The following CABCOCO1 variants were observed in gnomAD, a reference collection of about 807,000 sequenced individuals.
CABCOCO1 encodes the protein ciliary-associated calcium-binding coiled-coil protein 1.
A neutral mutation model predicts 35.7 loss-of-function variants in CABCOCO1; 28 were observed. The observed-to-expected ratio is 0.78, with a 90% CI of 0.58 to 1.07. The LOEUF is 1.07. Ranked by LOEUF, CABCOCO1 falls within the 50% of genes least tolerant of loss-of-function variation. CABCOCO1 has a pLI of 0.00. For missense variants in CABCOCO1, 326 were observed against 309.2 expected (o/e 1.05, Z -0.41); for synonymous variants, 95 against 100.1 (o/e 0.95, Z 0.30).
chr10:61,716,420 C>A (rs1238408433), intron 5 of CABCOCO1, among the ~76,000 whole-genome samples: 1 of 152,100 alleles, frequency 6.6e-6, no homozygotes. Context: ...CAGAAATAAA[C>A]CCCACCTTTC....
intron 2 of CABCOCO1, among the ~76,000 whole-genome samples, chr10:61,674,926 A>G (rs941180006): frequency 1.3e-5 from 2 of 152,158 alleles, no homozygotes; most frequent in Admixed American, 1.3e-4. Flanking sequence ...GTAACTATAT[A>G]AACACAAAAA....
At chr10:61,756,544 A>G (rs1038114334) in intron 5 of CABCOCO1, among the ~76,000 whole-genome samples, 1 of 152,068 alleles carries the variant, frequency 6.6e-6, no homozygotes, top group Non-Finnish European at 1.5e-5. Flanking sequence ...TATTATATCC[A>G]TTTGTGTTCA....
intron 5 of CABCOCO1, among the ~76,000 whole-genome samples, chr10:61,737,484 A>G (rs1841445421): frequency 1.3e-5 from 2 of 152,224 alleles, no homozygotes; most frequent in African/African-American, 4.8e-5. Context: ...AAAGCATTCT[A>G]CCATAAAGAC....
chr10:61,732,602 T>C (rs989281355), intron 5 of CABCOCO1, among the ~76,000 whole-genome samples: 2 of 152,088 alleles, frequency 1.3e-5, no homozygotes, highest in Non-Finnish European at 2.9e-5. Context: ...TTACTGGAAA[T>C]AGATTTGCTA....
intron 5 of CABCOCO1, among the ~76,000 whole-genome samples, chr10:61,719,591 A>G (rs1207405010): frequency 6.6e-6 from 1 of 152,194 alleles, no homozygotes; most frequent in African/African-American, 2.4e-5. Flanking sequence ...TTTTCAAAAC[A>G]GCATCTTGTT....
chr10:61,765,530 G>C (rs117670064), intron 7 of CABCOCO1, among the ~76,000 whole-genome samples: 3,425 of 152,278 alleles, frequency 0.022, 58 homozygotes, highest in Middle Eastern at 0.048. Context: ...ATCTCATTTA[G>C]AATGTATTAC....
At chr10:61,713,860 C>T (rs1354644521) in intron 5 of CABCOCO1, among the ~76,000 whole-genome samples, 2 of 149,992 alleles carry the variant, frequency 1.3e-5, no homozygotes, top group South Asian at 2.1e-4. Context: ...GGGATGAAGC[C>T]AACCTGATCG....
intron 4 of CABCOCO1, among the ~76,000 whole-genome samples, chr10:61,690,063 T>C (rs1230316667): frequency 6.6e-6 from 1 of 152,126 alleles, no homozygotes; most frequent in Non-Finnish European, 1.5e-5. Context: ...ATTTTTCAGG[T>C]ATTATTATAG....
At chr10:61,749,753 A>T (rs1005911015) in intron 5 of CABCOCO1, among the ~76,000 whole-genome samples, 18 of 152,184 alleles carry the variant, frequency 1.2e-4, no homozygotes, top group South Asian at 2.1e-4. Flanking sequence ...AGTCAGATAG[A>T]TCCGGGTTCT....
chr10:61,678,341 G>A (rs1332831357), intron 2 of CABCOCO1, among the ~76,000 whole-genome samples: 1 of 152,110 alleles, frequency 6.6e-6, no homozygotes, highest in African/African-American at 2.4e-5. Flanking sequence ...ATTAAACATT[G>A]AGAAATATAT....
In CABCOCO1 at chr10:61,765,945, A is replaced by G. The variant is rs781533395; in HGVS notation, c.823A>G (p.Ile275Val). 2 of 1,613,058 alleles carry G rather than the reference A, an allele frequency of 1.2e-6. No homozygotes were observed. Among genetic ancestry groups the G allele is most frequent in the South Asian group, 2.2e-5 (2 of 91,056 alleles). ...TTTATGATTGTCTTCACAGACCGAGATAAACGAAAAACTGCAAATACAGGA... is the reference window on the plus strand; with the variant it reads ...TTTATGATTGTCTTCACAGACCGAGGTAAACGAAAAACTGCAAATACAGGA... Reference protein sequence around the residue: ...DDILIGIQTEINEKLQIQEEA... With the variant: ...DDILIGIQTEVNEKLQIQEEA... The change falls in exon 8 of 8, where the codon ATA becomes GTA. Residue 275 changes from isoleucine (I) to valine (V), a missense_variant. Transcript: ENST00000648843.
At chr10:61,726,645 G>A (rs892188668) in intron 5 of CABCOCO1, among the ~76,000 whole-genome samples, 4 of 151,564 alleles carry the variant, frequency 2.6e-5, no homozygotes, top group Non-Finnish European at 5.9e-5. Flanking sequence ...TTGTAAGAGG[G>A]GTTACTTTGT....
In CABCOCO1 at chr10:61,680,617, C is replaced by CATGT. The variant is rs1255597086; in HGVS notation, c.165-524_165-523insGTAT. 1.9e-3 allele frequency among the ~76,000 whole-genome samples: 45 copies of CATGT among 23,718 alleles called. 2 individuals carry two copies. Among genetic ancestry groups the CATGT allele is most frequent in the South Asian group, 4.7e-3 (3 of 640 alleles). 15.6% of individuals were successfully genotyped at this position (23,718 alleles called of 152,430 possible). A position where few individuals can be genotyped will look rare whatever the true frequency, so the allele number is the denominator to read the frequency against. On this transcript the variant is annotated intron_variant, in intron 2 of 7. Coordinates refer to ENST00000648843, the MANE Select transcript of CABCOCO1 (RefSeq NM_001366906.2). The stretch of plus-strand genomic sequence containing the variant: ...TGTTATACATGTATAACATGTTATA[C>CATGT]ATAACATATACATGTTATACATATA...
At chr10:61,717,888 G>C (rs1307878062) in intron 5 of CABCOCO1, among the ~76,000 whole-genome samples, 2 of 152,184 alleles carry the variant, frequency 1.3e-5, no homozygotes, top group African/African-American at 2.4e-5. Context: ...CAAGGGCATA[G>C]AGACAAGAAT....
At chr10:61,722,311 A>C (rs1021442549) in intron 5 of CABCOCO1, among the ~76,000 whole-genome samples, 19 of 152,242 alleles carry the variant, frequency 1.2e-4, no homozygotes, top group African/African-American at 4.6e-4. Context: ...TGATGCATTA[A>C]AGTTAGGAAT....
chr10:61,723,269 A>G (rs1433976452), intron 5 of CABCOCO1, among the ~76,000 whole-genome samples: 1 of 152,246 alleles, frequency 6.6e-6, no homozygotes, highest in African/African-American at 2.4e-5. Flanking sequence ...AAAAGACTTG[A>G]TACAATTTAA....
chr10:61,747,509 T>C (rs1467754467), intron 5 of CABCOCO1, among the ~76,000 whole-genome samples: 1 of 152,164 alleles, frequency 6.6e-6, no homozygotes, highest in Non-Finnish European at 1.5e-5. Context: ...ATCTGAAATA[T>C]GTTAAGGCTT....
rs76616530 is a variant in CABCOCO1 at position 61,690,517 on chromosome 10, T to C, written c.480-32T>C. 1,969 of 1,455,578 alleles carry C rather than the reference T, an allele frequency of 1.4e-3. 43 individuals carry two copies. In the East Asian group the frequency reaches 0.039, roughly 29 times the overall value. The allele number at this position is 1,455,578 out of a possible 1,614,324, so 90.2% of individuals were successfully genotyped here. On this transcript the variant is annotated intron_variant, in intron 4 of 7. Transcript: ENST00000648843. The stretch of plus-strand genomic sequence containing the variant: ...TTGTGTTTTTTTTCCTGAAATCAAC[T>C]TATCAGAGTGCACATTTATTTTATA...
At chr10:61,722,680 T>TA (rs374278778) in intron 5 of CABCOCO1, among the ~76,000 whole-genome samples, 237 of 146,010 alleles carry the variant, frequency 1.6e-3, no homozygotes, top group Non-Finnish European at 2.3e-3. Context: ...TTGCTTCTTC[T>TA]AAAAAAAAAA....
Sources: allele counts gnomAD v4.1 joint callset (sites outside exome capture counted in the v4.1 genomes callset), GRCh38; gene constraint gnomAD v4.1.1; transcripts MANE v1.5; gene names NCBI Gene and HGNC (gene_info 2026-07-23, HGNC 2026-07-21).